Variants in NRF1 observed in about 807,000 individuals in gnomAD.
The protein encoded by NRF1 is alpha palindromic-binding protein.
Under a neutral mutation model 58.5 loss-of-function variants are expected in NRF1, and 5 were observed. That is an observed-to-expected ratio of 0.09 (90% CI 0.04 to 0.18). The LOEUF is 0.18. Ranked by LOEUF, NRF1 falls within the 10% of genes least tolerant of loss-of-function variation. NRF1 has a pLI of 1.00. For synonymous variants in NRF1, 224 were observed against 246.7 expected, an observed-to-expected ratio of 0.91 and a Z score of 0.86; for missense variants, 288 against 657.7, an observed-to-expected ratio of 0.44 and a Z score of 6.15.
intron 5 of NRF1, among the ~76,000 whole-genome samples, chr7:129,695,510 A>G (rs1802668034): frequency 6.7e-6 from 1 of 150,270 alleles, no homozygotes; most frequent in Non-Finnish European, 1.5e-5. Flanking sequence ...TGGGAGGCGG[A>G]GGTTACATTG....
intron 3 of NRF1, 108 bp downstream of exon 3, chr7:129,671,651 T>G (rs1413237963): frequency 3.1e-6 from 2 of 638,722 alleles, no homozygotes; most frequent in African/African-American, 3.6e-5. Flanking sequence ...GTTCGATTCC[T>G]TGATGACAGA....
chr7:129,654,256 A>G (rs147111711), intron 1 of NRF1, among the ~76,000 whole-genome samples: 89 of 152,266 alleles, frequency 5.8e-4, no homozygotes, highest in Non-Finnish European at 9.9e-4. Context: ...CTTATTTACC[A>G]TCTATATATC....
intron 2 of NRF1, among the ~76,000 whole-genome samples, chr7:129,670,776 C>G (rs1397031942): frequency 6.6e-6 from 1 of 152,182 alleles, no homozygotes; most frequent in African/African-American, 2.4e-5. Flanking sequence ...GCCAGACTAA[C>G]TTTTATTAAC....
At position 129,671,440 on chromosome 7, in the gene NRF1, A is replaced by G; in HGVS notation, c.235A>G (p.Met79Val). ...AHLAAAGPVG[M>V]AAAAAVATGK... The stretch of plus-strand genomic sequence containing the variant: ...CGTTATTATTTCAGGTCCTGTGGGA[A>G]TGGCCGCTGCTGCTGCTGTGGCAAC... The change falls in exon 3 of 11, where the codon ATG becomes GTG. Residue 79 changes from methionine to valine, a missense_variant. By Grantham distance (21) the Met-to-Val change is conservative. Coordinates refer to ENST00000393232, the MANE Select transcript of NRF1 (RefSeq NM_005011.5). 1 of 1,612,752 alleles carries G rather than the reference A, an allele frequency of 6.2e-7. No individual in the cohort carries two copies. The highest frequency in any genetic ancestry group is 8.5e-7 in the Non-Finnish European group (1 of 1,178,694).
chr7:129,660,023 A>G (rs1380306777), intron 2 of NRF1, among the ~76,000 whole-genome samples: 3 of 152,204 alleles, frequency 2.0e-5, no homozygotes, highest in Non-Finnish European at 4.4e-5. Flanking sequence ...CCTCACAATC[A>G]TGGTGGAAGG....
chr7:129,663,990 C>T (rs975619454), intron 2 of NRF1, among the ~76,000 whole-genome samples: 9 of 151,716 alleles, frequency 5.9e-5, no homozygotes, highest in East Asian at 3.9e-4. Context: ...TCAGGAGTGG[C>T]GGCGTGTGCC....
chr7:129,640,534 C>T (rs1219844101), intron 1 of NRF1, among the ~76,000 whole-genome samples: 2 of 151,960 alleles, frequency 1.3e-5, no homozygotes, highest in South Asian at 2.1e-4. Context: ...CCAAATTTAC[C>T]GTACCCCCAG....
chr7:129,625,683 T>G lies in NRF1; in HGVS notation c.-7+13859T>G, dbSNP rs917531387. The stretch of plus-strand genomic sequence containing the variant: ...GCCCGGCTAATGTTTTAATTTTTTT[T>G]TTTTTTTTTTTTTTTTGAGACGGAG... On this transcript the variant is annotated intron_variant, in intron 1 of 10. Coordinates refer to ENST00000393232, the MANE Select transcript of NRF1 (RefSeq NM_005011.5). 3.9e-4 allele frequency among the ~76,000 whole-genome samples: 53 copies of G among 136,876 alleles called. No individual in the cohort carries two copies. The East Asian group carries it at 9.4e-3, about 24-fold the overall frequency. The allele number at this position is 136,876 out of a possible 152,430, so 89.8% of individuals were successfully genotyped here.
intron 10 of NRF1, among the ~76,000 whole-genome samples, chr7:129,733,319 T>C (rs1314743792): frequency 1.3e-5 from 2 of 151,570 alleles, no homozygotes; most frequent in African/African-American, 4.8e-5. Context: ...CACCAAAAAT[T>C]AGCCAGGCGC....
At chr7:129,637,884 T>C (rs961075297) in intron 1 of NRF1, among the ~76,000 whole-genome samples, 26 of 152,102 alleles carry the variant, frequency 1.7e-4, no homozygotes, top group African/African-American at 5.5e-4. Flanking sequence ...TTTTTTTTTT[T>C]CTAAGCTCAT....
chr7:129,713,095 T>C (rs924532282), intron 8 of NRF1, among the ~76,000 whole-genome samples: 7 of 143,386 alleles, frequency 4.9e-5, no homozygotes, highest in African/African-American at 1.9e-4. Context: ...TGCGTTTCCT[T>C]TTTTTTTTTT....
In NRF1 at chr7:129,690,587, G is replaced by C. The variant is rs374683493; in HGVS notation, c.606+41G>C. 1.3e-5 allele frequency: 21 copies of C among 1,610,330 alleles called. No homozygotes were observed. In the African/African-American group the frequency reaches 2.1e-4, roughly 16 times the overall value. On this transcript the variant is annotated intron_variant, in intron 5 of 10. Coordinates refer to ENST00000393232, the MANE Select transcript of NRF1 (RefSeq NM_005011.5). ...TGAGGAGGAGACTCAAAGACAAGTG[G>C]CACAGGTGTGGGCGGGCCTCTGATC...
At chr7:129,662,503 G>T (rs191094082) in intron 2 of NRF1, among the ~76,000 whole-genome samples, 104 of 150,646 alleles carry the variant, frequency 6.9e-4, no homozygotes, top group African/African-American at 2.3e-3. Flanking sequence ...AATTTACCTG[G>T]TAATTCTCTC....
At chr7:129,624,311 T>C (rs1800868493) in intron 1 of NRF1, among the ~76,000 whole-genome samples, 1 of 152,212 alleles carries the variant, frequency 6.6e-6, no homozygotes. Context: ...ATATGTCTGT[T>C]CCACCAGATT....
chr7:129,622,211 TG>T (rs1213806634), intron 1 of NRF1, among the ~76,000 whole-genome samples: 5 of 152,198 alleles, frequency 3.3e-5, no homozygotes, highest in African/African-American at 1.2e-4. Context: ...TTATCCTTAA[TG>T]AAAATGCATT....
intron 4 of NRF1, among the ~76,000 whole-genome samples, chr7:129,687,276 CTTT>C (rs34165257): frequency 6.5e-5 from 9 of 137,734 alleles, no homozygotes; most frequent in Admixed American, 7.4e-5. Context: ...GATGCAAGTC[CTTT>C]TTTTTTTTTT....
rs1267056983 is a variant in NRF1 at position 129,730,088 on chromosome 7, G to T, written c.1348+2723G>T. ...GATCCACCCACCTCAGCCTCCCAAAGTACTGGGAATACAGGCGTAAGCCAC... is the reference window on the plus strand; with the variant it reads ...GATCCACCCACCTCAGCCTCCCAAATTACTGGGAATACAGGCGTAAGCCAC... On this transcript the variant is annotated intron_variant, in intron 10 of 10. Transcript: ENST00000393232. 2.0e-5 allele frequency among the ~76,000 whole-genome samples: 3 copies of T among 152,176 alleles called. No individual in the cohort carries two copies. In the East Asian group the frequency reaches 5.8e-4, roughly 29 times the overall value.
intron 10 of NRF1, among the ~76,000 whole-genome samples, chr7:129,730,510 C>A (rs1562986404): frequency 6.6e-6 from 1 of 152,120 alleles, no homozygotes; most frequent in South Asian, 2.1e-4. Flanking sequence ...CTTCTGAGAG[C>A]AATTTGGATA....
In NRF1 at chr7:129,748,330, T is replaced by C. The variant is rs901435661; in HGVS notation, c.1349-6688T>C. On this transcript the variant is annotated intron_variant, in intron 10 of 10. Transcript: ENST00000393232. ...TGCCAACAATGCAAGCATGCAGATTTATAGACAGAAAAGCAGCAACTCCTT... is the reference window on the plus strand; with the variant it reads ...TGCCAACAATGCAAGCATGCAGATTCATAGACAGAAAAGCAGCAACTCCTT... Among the ~76,000 whole-genome samples, 6 of 150,020 alleles carry C rather than the reference T, an allele frequency of 4.0e-5. No individual in the cohort carries two copies. In the South Asian group the frequency reaches 1.3e-3, roughly 32 times the overall value.
Sources: allele counts gnomAD v4.1 joint callset (sites outside exome capture counted in the v4.1 genomes callset), GRCh38; gene constraint gnomAD v4.1.1; transcripts MANE v1.5; gene names NCBI Gene and HGNC (gene_info 2026-07-23, HGNC 2026-07-21).